Variants in CALN1 observed in about 807,000 individuals in gnomAD.
The protein encoded by CALN1 is calneuron 1.
In CALN1, 17 loss-of-function variants were observed where a neutral mutation model predicts 30.6. That is an observed-to-expected ratio of 0.56 (90% confidence interval 0.38 to 0.83). The LOEUF (loss-of-function observed/expected upper bound fraction) is 0.83, where lower values mean the gene tolerates loss of function less well. Among genes scored for constraint, CALN1 ranks in the 40% least tolerant of loss-of-function variants. CALN1 has a pLI of 0.00. For missense variants in CALN1, 291 were observed against 354.9 expected, an observed-to-expected ratio of 0.82 and a Z score of 1.45; for synonymous variants, 156 against 131.4, an observed-to-expected ratio of 1.19 and a Z score of -1.28.
At chr7:72,091,477 T>TC (rs1454147433) in intron 4 of CALN1, among the ~76,000 whole-genome samples, 2 of 152,326 alleles carry the variant, frequency 1.3e-5, no homozygotes, top group East Asian at 3.9e-4. Flanking sequence ...TCATCACACA[T>TC]CATATGCTTG....
chr7:72,278,004 A>T, intron 3 of CALN1, among the ~76,000 whole-genome samples: 1 of 40,838 alleles, frequency 2.4e-5, no homozygotes, highest in African/African-American at 1.3e-4. Flanking sequence ...CTAATCCTCT[A>T]TTCCGGGGGG....
intron 3 of CALN1, among the ~76,000 whole-genome samples, chr7:72,186,825 G>A (rs1198370981): frequency 6.8e-6 from 1 of 147,068 alleles, no homozygotes; most frequent in East Asian, 2.0e-4. Context: ...ATGGACACCT[G>A]TGTTAATTCT....
At chr7:72,030,753 T>G (rs1215015187) in intron 4 of CALN1, among the ~76,000 whole-genome samples, 1 of 152,050 alleles carries the variant, frequency 6.6e-6, no homozygotes, top group Non-Finnish European at 1.5e-5. Context: ...CACAATTTTT[T>G]TTTTTTTCTT....
intron 3 of CALN1, among the ~76,000 whole-genome samples, chr7:72,265,768 G>C (rs557459653): frequency 2.8e-4 from 43 of 151,904 alleles, no homozygotes; most frequent in African/African-American, 9.7e-4. Context: ...TCTCATGCAG[G>C]GTTCTTAGAA....
chr7:72,220,228 T>TC (rs1300400994), intron 3 of CALN1, among the ~76,000 whole-genome samples: 3 of 132,400 alleles, frequency 2.3e-5, no homozygotes, highest in South Asian at 2.5e-4. Context: ...AGTGTGATGT[T>TC]CCCCTTCCTG....
chr7:72,376,826 T>C (rs2944788), intron 2 of CALN1, among the ~76,000 whole-genome samples: 49,273 of 152,178 alleles, frequency 0.32, 9,687 homozygotes, highest in Middle Eastern at 0.51. Context: ...CTAACAATTG[T>C]AACTTTAGCT....
At chr7:72,317,048 GAGAA>G (rs1266093548) in intron 2 of CALN1, among the ~76,000 whole-genome samples, 5 of 141,972 alleles carry the variant, frequency 3.5e-5, no homozygotes, top group East Asian at 2.1e-4. Flanking sequence ...AAGAGAGAGA[GAGAA>G]AGAGAGAGAG....
rs190692357 is a variant in CALN1, at chr7:72,219,636, C to T, written c.244+59050G>A. ...ATTAAAATCCATGAAGATACACATG[C>T]GCGCACACACACACACGCACACACA... On this transcript the variant is annotated intron_variant, in intron 3 of 6. Transcript: ENST00000395275. Among the ~76,000 whole-genome samples, 211 of 151,854 alleles carry T rather than the reference C, an allele frequency of 1.4e-3. 1 individual carries two copies. The highest frequency in any genetic ancestry group is 2.4e-3 in the Admixed American group (36 of 15,152).
chr7:72,027,547 C>T (rs1584774438), intron 4 of CALN1, among the ~76,000 whole-genome samples: 1 of 151,758 alleles, frequency 6.6e-6, no homozygotes, highest in Non-Finnish European at 1.5e-5. Context: ...CCCATCTCTA[C>T]TAAAAATACA....
chr7:71,824,182 G>T (rs1206133595), intron 5 of CALN1, among the ~76,000 whole-genome samples: 1 of 152,062 alleles, frequency 6.6e-6, no homozygotes, highest in Non-Finnish European at 1.5e-5. Context: ...TTAGTGTGGG[G>T]AAAGAGCCAA....
intron 5 of CALN1, among the ~76,000 whole-genome samples, chr7:71,962,071 C>T (rs1277909551): frequency 1.3e-5 from 2 of 150,708 alleles, no homozygotes; most frequent in African/African-American, 4.9e-5. Context: ...AAACAAGATG[C>T]AAGTGCAAGA....
intron 3 of CALN1, among the ~76,000 whole-genome samples, chr7:72,129,115 T>C (rs1808966653): frequency 6.6e-6 from 1 of 152,132 alleles, no homozygotes; most frequent in Non-Finnish European, 1.5e-5. Flanking sequence ...TTTAAACATA[T>C]AACACCAAGT....
At chr7:71,909,397 T>C (rs1255823622) in intron 5 of CALN1, among the ~76,000 whole-genome samples, 3 of 152,004 alleles carry the variant, frequency 2.0e-5, no homozygotes, top group Non-Finnish European at 2.9e-5. Flanking sequence ...ATGTTTCTCA[T>C]GCAAGCACAC....
chr7:72,339,412 T>C (rs1802280048), intron 2 of CALN1, among the ~76,000 whole-genome samples: 1 of 152,174 alleles, frequency 6.6e-6, no homozygotes, highest in African/African-American at 2.4e-5. Flanking sequence ...AAGGACTTGC[T>C]GAGTACCCCT....
chr7:72,469,513 C>T, the CALN1 span, among the ~76,000 whole-genome samples: 3 of 152,208 alleles, frequency 2.0e-5, no homozygotes, highest in African/African-American at 7.2e-5. Flanking sequence ...TTTTGTACCT[C>T]AGCCTCCTGA....
chr7:72,150,905 G>GAT (rs1787191866), intron 3 of CALN1, among the ~76,000 whole-genome samples: 1 of 151,708 alleles, frequency 6.6e-6, no homozygotes, highest in Non-Finnish European at 1.5e-5. Flanking sequence ...TGATGATGAT[G>GAT]GTGACGATGA....
chr7:72,031,206 C>T (rs1211891025), intron 4 of CALN1, among the ~76,000 whole-genome samples: 1 of 152,136 alleles, frequency 6.6e-6, no homozygotes, highest in African/African-American at 2.4e-5. Flanking sequence ...CTCCTGATCC[C>T]AGCTTTTCTT....
intron 5 of CALN1, among the ~76,000 whole-genome samples, chr7:71,885,887 T>A (rs1191623816): frequency 2.6e-5 from 4 of 152,212 alleles, no homozygotes; most frequent in African/African-American, 4.8e-5. Context: ...CTGTACAGCC[T>A]GCAAATCAGG....
chr7:71,879,736 A>G (rs1792457068), intron 5 of CALN1, among the ~76,000 whole-genome samples: 1 of 152,196 alleles, frequency 6.6e-6, no homozygotes, highest in South Asian at 2.1e-4. Context: ...GGCAACCTGC[A>G]AAGAAGGACC....
Sources: gnomAD v4.1 joint callset for allele counts (sites outside exome capture counted in the v4.1 genomes callset) on GRCh38, gnomAD v4.1.1 for gene constraint, MANE v1.5 for transcripts, NCBI Gene and HGNC (gene_info 2026-07-23, HGNC 2026-07-21) for gene names.